The following PLCL1 variants were observed in gnomAD, a reference collection of about 807,000 sequenced individuals.
PLCL1 encodes the protein inactive phospholipase C-like protein 1.
A neutral mutation model predicts 84.4 loss-of-function variants in PLCL1; 41 were observed. The observed-to-expected ratio is 0.49, with a 90% CI of 0.38 to 0.63. The LOEUF (loss-of-function observed/expected upper bound fraction) is 0.63, where lower values mean the gene tolerates loss of function less well. Ranked by LOEUF, PLCL1 falls within the 30% of genes least tolerant of loss-of-function variation. The pLI is 0.00. For synonymous variants in PLCL1, 490 were observed against 488.3 expected, an observed-to-expected ratio of 1.00 and a Z score of -0.05; for missense variants, 1,206 against 1,367.8, an observed-to-expected ratio of 0.88 and a Z score of 1.87.
At chr2:197,912,517 C>T (rs1429345763) in intron 1 of PLCL1, among the ~76,000 whole-genome samples, 1 of 151,328 alleles carries the variant, frequency 6.6e-6, no homozygotes, top group East Asian at 1.9e-4. Context: ...CGGCATTATT[C>T]ACAATAGCAA....
intron 1 of PLCL1, among the ~76,000 whole-genome samples, chr2:198,036,130 TTC>T (rs1222941755): frequency 6.6e-6 from 1 of 152,326 alleles, no homozygotes; most frequent in Non-Finnish European, 1.5e-5. Context: ...CATCAATGAA[TTC>T]TCTTTTTTAA....
intron 1 of PLCL1, among the ~76,000 whole-genome samples, chr2:198,079,834 A>C (rs533019661): frequency 1.3e-5 from 2 of 152,228 alleles, no homozygotes; most frequent in African/African-American, 4.8e-5. Context: ...GATTGAATTC[A>C]ATGTCTGACT....
chr2:197,860,873 T>C (rs549898717), intron 1 of PLCL1, among the ~76,000 whole-genome samples: 1 of 152,360 alleles, frequency 6.6e-6, no homozygotes, highest in Non-Finnish European at 1.5e-5. Flanking sequence ...TTTAGTTTAA[T>C]TAGATCCCAT....
intron 1 of PLCL1, among the ~76,000 whole-genome samples, chr2:198,065,110 A>T (rs1461190136): frequency 6.6e-6 from 1 of 152,208 alleles, no homozygotes; most frequent in Non-Finnish European, 1.5e-5. Flanking sequence ...GGATAGAGAG[A>T]AAAGCTCCAC....
chr2:197,897,162 CT>C (rs1249936050), intron 1 of PLCL1, among the ~76,000 whole-genome samples: 21 of 31,848 alleles, frequency 6.6e-4, no homozygotes, highest in African/African-American at 3.7e-3. Context: ...TCTTCTTCTT[CT>C]TCTTCTTCTT....
At chr2:198,073,941 T>G (rs1195048245) in intron 1 of PLCL1, among the ~76,000 whole-genome samples, 1 of 152,210 alleles carries the variant, frequency 6.6e-6, no homozygotes, top group Non-Finnish European at 1.5e-5. Context: ...TTTAGTCTCC[T>G]TGTCCCAAGT....
chr2:198,121,798 C>T (rs756243481), intron 5 of PLCL1, among the ~76,000 whole-genome samples: 3 of 152,076 alleles, frequency 2.0e-5, no homozygotes, highest in Non-Finnish European at 4.4e-5. Flanking sequence ...AGAATACAGG[C>T]AGGCTCCCAT....
chr2:197,973,913 G>C (rs931045256), intron 1 of PLCL1, among the ~76,000 whole-genome samples: 9 of 152,208 alleles, frequency 5.9e-5, no homozygotes, highest in Non-Finnish European at 1.3e-4. Flanking sequence ...ATGGATAGTG[G>C]AGGAGTAGAG....
chr2:197,839,311 C>T (rs980806172), intron 1 of PLCL1, among the ~76,000 whole-genome samples: 3 of 152,190 alleles, frequency 2.0e-5, no homozygotes, highest in Non-Finnish European at 4.4e-5. Context: ...AGTCCCCAAC[C>T]TTTTCAGCAT....
intron 5 of PLCL1, among the ~76,000 whole-genome samples, chr2:198,133,165 G>A (rs1404030078): frequency 6.6e-6 from 1 of 151,846 alleles, no homozygotes; most frequent in East Asian, 1.9e-4. Flanking sequence ...AGAAAATGTG[G>A]CACATATACA....
chr2:198,054,631 T>A (rs1692018787), intron 1 of PLCL1, among the ~76,000 whole-genome samples: 1 of 152,234 alleles, frequency 6.6e-6, no homozygotes, highest in Admixed American at 6.5e-5. Context: ...ATGAGCAGGC[T>A]GTTCCTTTTG....
In PLCL1 at chr2:197,805,662, A is replaced by C; in HGVS notation, c.240+323A>C. ...GGGAGGAAGGGAGAACTCTGGATAA[A>C]TGCAGACCCACCGGATGGTTGTGCA... On this transcript the variant is annotated intron_variant, in intron 1 of 5. Transcript: ENST00000428675. The surrounding 1 kb of genome is among the most constrained non-coding windows in gnomAD (Gnocchi z 4.0). Among the ~76,000 whole-genome samples, 1 of 152,156 alleles carries C rather than the reference A, an allele frequency of 6.6e-6. No homozygotes were observed.
In PLCL1 at chr2:198,148,669, G is replaced by T. The variant is rs1385819046; in HGVS notation, c.*1707G>T. ...GTAGGAGGAATAGTGGAATGCAGGT[G>T]TTAAGCCCTTTGTGGTGAAAAAGAG... On this transcript the variant is annotated 3_prime_UTR_variant, in exon 6 of 6. Coordinates refer to ENST00000428675, the MANE Select transcript of PLCL1 (RefSeq NM_006226.4). The T allele has an allele frequency of 6.6e-6, 1 of 152,304 alleles. No individual in the cohort carries two copies. Among genetic ancestry groups the T allele is most frequent in the Non-Finnish European group, 1.5e-5 (1 of 68,032 alleles). 9.4% of individuals were successfully genotyped at this position (152,304 alleles called of 1,614,324 possible).
intron 1 of PLCL1, among the ~76,000 whole-genome samples, chr2:198,073,990 C>T (rs1692522173): frequency 6.6e-6 from 1 of 152,122 alleles, no homozygotes; most frequent in Non-Finnish European, 1.5e-5. Context: ...AGTAAATTCA[C>T]TGTTTTTAAA....
intron 1 of PLCL1, among the ~76,000 whole-genome samples, chr2:198,054,794 G>A (rs1416015540): frequency 1.3e-5 from 2 of 152,158 alleles, no homozygotes; most frequent in Non-Finnish European, 2.9e-5. Flanking sequence ...ATTTCCCTGT[G>A]GGTTAAGATA....
chr2:198,079,356 TG>T (rs1445796378), intron 1 of PLCL1, among the ~76,000 whole-genome samples: 1 of 151,906 alleles, frequency 6.6e-6, no homozygotes, highest in Admixed American at 6.6e-5. Flanking sequence ...TAATCATGAT[TG>T]GTATCCTATT....
At chr2:198,092,474 T>C (rs1693070474) in intron 3 of PLCL1, among the ~76,000 whole-genome samples, 1 of 152,352 alleles carries the variant, frequency 6.6e-6, no homozygotes, top group Admixed American at 6.5e-5. Context: ...TATTTCTTAG[T>C]GGTGAGAACA....
intron 5 of PLCL1, among the ~76,000 whole-genome samples, chr2:198,123,017 C>T (rs1350742404): frequency 2.0e-5 from 3 of 152,062 alleles, no homozygotes; most frequent in African/African-American, 7.2e-5. Context: ...CAGTCCTTGT[C>T]CACAGTCTGA....
Position 197,829,320 on chromosome 2 carries a change from T to G in PLCL1, c.240+23981T>G, listed in dbSNP as rs192440551. On this transcript the variant is annotated intron_variant, in intron 1 of 5. Coordinates refer to ENST00000428675, the MANE Select transcript of PLCL1 (RefSeq NM_006226.4). ...TTGGTTACCCAGCTAGTAAATCATA[T>G]TTGAAGCTAGTACGTGAACTTAGAG... is the stretch of plus-strand genomic sequence containing the variant. Among the ~76,000 whole-genome samples, 4 of 152,296 alleles carry G rather than the reference T, an allele frequency of 2.6e-5. No homozygotes were observed. The East Asian group carries it at 7.7e-4, about 29-fold the overall frequency.
Sources: gnomAD v4.1 joint callset for allele counts (sites outside exome capture counted in the v4.1 genomes callset) on GRCh38, gnomAD v4.1.1 for gene constraint, Gnocchi (gnomAD v3.1) non-coding constraint, MANE v1.5 for transcripts, NCBI Gene and HGNC (gene_info 2026-07-23, HGNC 2026-07-21) for gene names.